Variants in UBE3A observed in about 807,000 individuals in gnomAD.
UBE3A encodes ubiquitin-protein ligase E3A.
A neutral mutation model predicts 83.4 loss-of-function variants in UBE3A; 6 were observed. The ratio of observed to expected loss-of-function variants is 0.07; its 90% CI spans 0.04 to 0.14. The LOEUF (loss-of-function observed/expected upper bound fraction) is 0.14. Ranked by LOEUF, UBE3A falls within the 10% of genes least tolerant of loss-of-function variation. The pLI is 1.00. For synonymous variants in UBE3A, 337 were observed against 355.4 expected (o/e 0.95, Z 0.58); for missense variants, 456 against 1,036.1 (o/e 0.44, Z 7.69).
chr15:25,350,557 AGT>A (rs2076351789), intron 11 of UBE3A, among the ~76,000 whole-genome samples: 1 of 152,204 alleles, frequency 6.6e-6, no homozygotes, highest in Non-Finnish European at 1.5e-5. Flanking sequence ...AGACACTTTT[AGT>A]TAAATATGCA....
At chr15:25,428,424 T>G (rs1395934970) in intron 1 of UBE3A, among the ~76,000 whole-genome samples, 1 of 152,066 alleles carries the variant, frequency 6.6e-6, no homozygotes, top group Non-Finnish European at 1.5e-5. Context: ...AAAGACATGA[T>G]TTTTACATCA....
chr15:25,381,024 C>T (rs1192152293), intron 4 of UBE3A, among the ~76,000 whole-genome samples: 3 of 152,186 alleles, frequency 2.0e-5, no homozygotes, highest in Non-Finnish European at 4.4e-5. Flanking sequence ...TGACAGCAAT[C>T]AGTTTAAAAA....
chr15:25,349,938 A>G (rs1371906155), intron 11 of UBE3A, among the ~76,000 whole-genome samples: 2 of 152,182 alleles, frequency 1.3e-5, no homozygotes, highest in African/African-American at 2.4e-5. Flanking sequence ...GGGAGATTTC[A>G]CCATGTTACT....
At position 25,336,108 on chromosome 15, in the gene UBE3A, ACT is replaced by A. The variant is rs1362643123; in HGVS notation, c.*3027_*3028del. 6.6e-6 allele frequency: 1 copy of A among 152,044 alleles called. No homozygotes were observed. The highest frequency in any genetic ancestry group is 2.4e-5 in the African/African-American group (1 of 41,382). The allele number at this position is 152,044 out of a possible 1,614,324, so 9.4% of individuals were successfully genotyped here. On this transcript the variant is annotated 3_prime_UTR_variant, in exon 13 of 13. Coordinates refer to ENST00000648336, the MANE Select transcript of UBE3A (RefSeq NM_130839.5). Reference sequence around the variant, plus strand: ...ACGGGGAGGGGAGAAAAGACTTGGGACTCTGTACTTGTAAAACCCTCTACCCT... The same window carrying A: ...ACGGGGAGGGGAGAAAAGACTTGGGACTGTACTTGTAAAACCCTCTACCCT...
At chr15:25,363,608 C>T (rs61998987) in intron 6 of UBE3A, among the ~76,000 whole-genome samples, 3,383 of 152,188 alleles carry the variant, frequency 0.022, 67 homozygotes, top group Admixed American at 0.048. Flanking sequence ...AGATACTAAT[C>T]CAGGAAACAA....
At chr15:25,435,472 C>A (rs1380707504) in intron 1 of UBE3A, among the ~76,000 whole-genome samples, 8 of 152,234 alleles carry the variant, frequency 5.3e-5, no homozygotes, top group Middle Eastern at 6.8e-3. Context: ...GAAAGCCTAA[C>A]CTCCAAGGTG....
At chr15:25,430,060 T>TTA (rs553806370) in intron 1 of UBE3A, among the ~76,000 whole-genome samples, 37 of 99,816 alleles carry the variant, frequency 3.7e-4, no homozygotes, top group Non-Finnish European at 1.8e-4. Context: ...TTTATATGTA[T>TTA]TATATATATA....
Position 25,334,302 on chromosome 15 carries a change from AAAT to A in UBE3A, c.*4832_*4834del, listed in dbSNP as rs1369138280. On this transcript the variant is annotated 3_prime_UTR_variant, in exon 13 of 13. Transcript: ENST00000648336. ...GATGAATACAAAAATAAAAATTAGA[AAAT>A]AATCATATAATTAAAGTGGCATCAG... is the stretch of plus-strand genomic sequence containing the variant. 4 of 152,176 alleles carry A rather than the reference AAAT, an allele frequency of 2.6e-5. No homozygotes were observed. Among genetic ancestry groups the A allele is most frequent in the Admixed American group, 2.0e-4 (3 of 15,282 alleles). 9.4% of individuals were successfully genotyped at this position (152,176 alleles called of 1,614,324 possible). A position where few individuals can be genotyped will look rare whatever the true frequency, so the allele number is the denominator to read the frequency against.
intron 6 of UBE3A, among the ~76,000 whole-genome samples, chr15:25,366,341 C>T (rs531786409): frequency 1.3e-5 from 2 of 152,218 alleles, no homozygotes; most frequent in African/African-American, 2.4e-5. Flanking sequence ...AAAAGAATTA[C>T]GTTCATGTTT....
In UBE3A at chr15:25,409,110, G is replaced by A. The variant is rs1413881082; in HGVS notation, c.-3C>T. On this transcript the variant is annotated 5_prime_UTR_variant, in exon 3 of 13. Transcript: ENST00000648336. ...TACCTTTTACAAGCTGTGGCCATTCGGTGACATCAGGGTGATCACAGCTTT... is the reference window on the plus strand; with the variant it reads ...TACCTTTTACAAGCTGTGGCCATTCAGTGACATCAGGGTGATCACAGCTTT... The A allele has an allele frequency of 2.5e-6, 4 of 1,594,954 alleles. No individual in the cohort carries two copies. The highest frequency in any genetic ancestry group is 2.2e-5 in the East Asian group (1 of 44,640).
rs1010636711 is a variant in UBE3A at position 25,335,643 on chromosome 15, C to A, written c.*3494G>T. On this transcript the variant is annotated 3_prime_UTR_variant, in exon 13 of 13. Transcript: ENST00000648336. ...GAAGGTTACATTTCTTAAAAAGAAA[C>A]AAAGAATGGTCGGTCGATAGAGATG... The A allele has an allele frequency of 2.4e-4, 37 of 152,048 alleles. No individual in the cohort carries two copies. Among genetic ancestry groups the A allele is most frequent in the African/African-American group, 8.9e-4 (37 of 41,396 alleles). 9.4% of individuals were successfully genotyped at this position (152,048 alleles called of 1,614,324 possible).
At chr15:25,386,258 C>T (rs1185611431) in intron 4 of UBE3A, among the ~76,000 whole-genome samples, 1 of 152,114 alleles carries the variant, frequency 6.6e-6, no homozygotes, top group East Asian at 1.9e-4. Flanking sequence ...ACCTTACAAC[C>T]ACATTACTAA....
intron 6 of UBE3A, among the ~76,000 whole-genome samples, chr15:25,361,742 T>TAA (rs1425447936): frequency 6.6e-6 from 1 of 152,142 alleles, no homozygotes; most frequent in Non-Finnish European, 1.5e-5. Context: ...GTTGGCTGGT[T>TAA]AAAAAAATTT....
chr15:25,349,933 A>AT (rs1195773977), intron 11 of UBE3A, among the ~76,000 whole-genome samples: 1 of 152,130 alleles, frequency 6.6e-6, no homozygotes, highest in South Asian at 2.1e-4. Flanking sequence ...AAGGTGGGAG[A>AT]TTTCACCATG....
intron 1 of UBE3A, among the ~76,000 whole-genome samples, chr15:25,414,546 G>A (rs1478892172): frequency 2.0e-4 from 30 of 152,120 alleles, no homozygotes; most frequent in Non-Finnish European, 4.4e-5. Flanking sequence ...TGAAGAAAAG[G>A]AAAACCATTC....
chr15:25,366,639 T>C (rs1173048511), intron 6 of UBE3A, among the ~76,000 whole-genome samples: 3 of 152,178 alleles, frequency 2.0e-5, no homozygotes, highest in Admixed American at 2.0e-4. Flanking sequence ...AAGTTTCACA[T>C]CATCATCATC....
intron 1 of UBE3A, among the ~76,000 whole-genome samples, chr15:25,417,217 T>A (rs1158893074): frequency 6.6e-6 from 1 of 152,032 alleles, no homozygotes; most frequent in East Asian, 1.9e-4. Flanking sequence ...GAGCATTTAG[T>A]AAAGACTCAG....
In UBE3A at chr15:25,338,440, G is replaced by A. The variant is rs2074180014; in HGVS notation, c.*697C>T. On this transcript the variant is annotated 3_prime_UTR_variant, in exon 13 of 13. Transcript: ENST00000648336. ...ACATACTGTGGCATGAGTTGTTTTT[G>A]TTTTTAATTTGTTGTGCTGTTACTA... 1 of 151,702 alleles carries A rather than the reference G, an allele frequency of 6.6e-6. No homozygotes were observed. The highest frequency in any genetic ancestry group is 1.5e-5 in the Non-Finnish European group (1 of 67,912). The allele number at this position is 151,702 out of a possible 1,614,324, so 9.4% of individuals were successfully genotyped here.
chr15:25,352,732 T>C (rs1166955031), intron 11 of UBE3A, among the ~76,000 whole-genome samples: 4 of 152,240 alleles, frequency 2.6e-5, no homozygotes, highest in African/African-American at 9.6e-5. Flanking sequence ...TTGTAGACTA[T>C]TTAATGAATT....
Sources: gnomAD v4.1 joint callset for allele counts (sites outside exome capture counted in the v4.1 genomes callset) on GRCh38, gnomAD v4.1.1 for gene constraint, MANE v1.5 for transcripts, NCBI Gene and HGNC (gene_info 2026-07-23, HGNC 2026-07-21) for gene names.